The following ANO2 variants were observed in gnomAD, a reference collection of about 807,000 sequenced individuals.
The protein encoded by ANO2 is anoctamin-2.
ANO2 carries 101 observed loss-of-function variants against 124.2 expected under a neutral mutation model. That is an observed-to-expected ratio of 0.81 (90% CI 0.69 to 0.96). The LOEUF is 0.96. Among genes scored for constraint, ANO2 ranks in the 40% least tolerant of loss-of-function variants. The pLI is 0.00. For synonymous variants in ANO2, 486 were observed against 482.5 expected (o/e 1.01, Z -0.09); for missense variants, 1,293 against 1,274.5 (o/e 1.01, Z -0.22).
chr12:5,796,632 C>T (rs1952870013), intron 10 of ANO2, among the ~76,000 whole-genome samples: 5 of 152,188 alleles, frequency 3.3e-5, no homozygotes, highest in Admixed American at 2.6e-4. Flanking sequence ...GGAGGAGAGC[C>T]GTGCGGGGCT....
intron 9 of ANO2, among the ~76,000 whole-genome samples, chr12:5,802,725 T>C (rs1229444315): frequency 3.9e-5 from 6 of 152,226 alleles, no homozygotes; most frequent in Non-Finnish European, 8.8e-5. Context: ...CAGCTCTTAG[T>C]GAATCCACTT....
chr12:5,748,871 A>C (rs1468268462), intron 11 of ANO2, among the ~76,000 whole-genome samples: 21 of 6,908 alleles, frequency 3.0e-3, no homozygotes, highest in African/African-American at 9.2e-3. Flanking sequence ...TTCACCCTCC[A>C]AAAAAAAAAA....
chr12:5,830,976 A>G (rs1954131415), intron 5 of ANO2, among the ~76,000 whole-genome samples: 1 of 152,244 alleles, frequency 6.6e-6, no homozygotes, highest in African/African-American at 2.4e-5. Flanking sequence ...AGGGTGTTGG[A>G]TTATCACTCT....
chr12:5,945,512 C>G (rs556067241), upstream of ANO2, among the ~76,000 whole-genome samples: 1 of 152,244 alleles, frequency 6.6e-6, no homozygotes, highest in Non-Finnish European at 1.5e-5. Context: ...AGGGGCGAGA[C>G]AGTAAACGCT....
chr12:5,854,007 C>A (rs1955010039), intron 4 of ANO2, 36 bp downstream of exon 4: 1 of 1,584,012 alleles, frequency 6.3e-7, no homozygotes, highest in African/African-American at 1.3e-5. Context: ...ATCCAGCCCT[C>A]AGGAGGCCCA....
At chr12:5,568,486 C>G (rs1941915279) in intron 23 of ANO2, among the ~76,000 whole-genome samples, 1 of 152,096 alleles carries the variant, frequency 6.6e-6, no homozygotes, top group South Asian at 2.1e-4. Flanking sequence ...TTTGAAAAAC[C>G]TTGATTCTCC....
intron 19 of ANO2, among the ~76,000 whole-genome samples, chr12:5,603,077 A>G (rs975197070): frequency 6.6e-6 from 1 of 152,214 alleles, no homozygotes; most frequent in African/African-American, 2.4e-5. Flanking sequence ...AAGAAAACAT[A>G]CAGAATCCAG....
intron 1 of ANO2, among the ~76,000 whole-genome samples, chr12:5,926,058 T>A (rs1027950226): frequency 1.3e-5 from 2 of 152,218 alleles, no homozygotes; most frequent in African/African-American, 2.4e-5. Flanking sequence ...AATCCAAACA[T>A]ACGATCTTCT....
chr12:5,734,945 C>T (rs914461205), intron 13 of ANO2, among the ~76,000 whole-genome samples: 4 of 152,152 alleles, frequency 2.6e-5, no homozygotes, highest in South Asian at 2.1e-4. Context: ...CCACTGCACC[C>T]GGCCATAACC....
chr12:5,821,605 A>G (rs1953800950), intron 7 of ANO2, among the ~76,000 whole-genome samples: 2 of 152,330 alleles, frequency 1.3e-5, no homozygotes, highest in East Asian at 3.9e-4. Flanking sequence ...GCAGGCCTCT[A>G]GGATATTGGA....
At chr12:5,677,863 C>T (rs3782621) in intron 14 of ANO2, among the ~76,000 whole-genome samples, 76,310 of 151,958 alleles carry the variant, frequency 0.5, 21,117 homozygotes, top group Middle Eastern at 0.62. Flanking sequence ...TTTCCTTAGA[C>T]GGCTCCCCTT....
At chr12:5,873,244 T>TCC (rs1555176521) in intron 3 of ANO2, among the ~76,000 whole-genome samples, 51 of 141,820 alleles carry the variant, frequency 3.6e-4, no homozygotes, top group African/African-American at 1.4e-3. Context: ...TCTCTCTCTC[T>TCC]CTGTCTGTCT....
At chr12:5,818,080 A>G (rs943035542) in intron 7 of ANO2, among the ~76,000 whole-genome samples, 5 of 152,170 alleles carry the variant, frequency 3.3e-5, no homozygotes, top group South Asian at 2.1e-4. Flanking sequence ...AACATGAACT[A>G]TGGGAGGTGT....
chr12:5,656,561 C>G (rs1947166305), intron 14 of ANO2, among the ~76,000 whole-genome samples: 1 of 152,162 alleles, frequency 6.6e-6, no homozygotes, highest in South Asian at 2.1e-4. Context: ...AGTTCAGGCC[C>G]TGCACAGCTG....
intron 3 of ANO2, among the ~76,000 whole-genome samples, chr12:5,906,984 C>T (rs931065211): frequency 1.3e-5 from 2 of 152,146 alleles, no homozygotes; most frequent in African/African-American, 2.4e-5. Flanking sequence ...ATGGATGCAA[C>T]ATAGCATCAA....
chr12:5,827,911 A>C, intron 6 of ANO2, 91 bp from the exon 7 acceptor site: 5 of 1,429,268 alleles, frequency 3.5e-6, no homozygotes, highest in Non-Finnish European at 4.8e-6. Flanking sequence ...CAGGGGCGGG[A>C]GGCGCCCGGG....
chr12:5,651,201 TTG>T (rs1946900209), intron 14 of ANO2, among the ~76,000 whole-genome samples: 1 of 152,242 alleles, frequency 6.6e-6, no homozygotes, highest in Non-Finnish European at 1.5e-5. Context: ...TCTCAGCTCT[TTG>T]TGTCTATGTC....
intron 10 of ANO2, among the ~76,000 whole-genome samples, chr12:5,772,035 T>A (rs1952097813): frequency 6.6e-6 from 1 of 152,202 alleles, no homozygotes; most frequent in African/African-American, 2.4e-5. Context: ...GTGGTTTGGG[T>A]TTCATTGTTT....
chr12:5,775,440 T>C (rs1418601715), intron 10 of ANO2, among the ~76,000 whole-genome samples: 1 of 150,682 alleles, frequency 6.6e-6, no homozygotes, highest in African/African-American at 2.4e-5. Context: ...TCAAGATGCA[T>C]CCTCCTGAGC....
Sources: allele counts gnomAD v4.1 joint callset (sites outside exome capture counted in the v4.1 genomes callset), GRCh38; gene constraint gnomAD v4.1.1; transcripts MANE v1.5; gene names NCBI Gene and HGNC (gene_info 2026-07-23, HGNC 2026-07-21).